TAFA1: variants seen among roughly 807,000 people sequenced by gnomAD.
The protein encoded by TAFA1 is TAFA chemokine like family member 1.
TAFA1 carries 4 observed loss-of-function variants against 18.5 expected under a neutral mutation model. The observed-to-expected ratio is 0.22, with a 90% CI of 0.11 to 0.49. The LOEUF (loss-of-function observed/expected upper bound fraction) is 0.49, where lower values mean the gene tolerates loss of function less well. TAFA1 is among the 20% of genes least tolerant of loss of function. The pLI is 0.98. For synonymous variants in TAFA1, 56 were observed against 55.2 expected, an observed-to-expected ratio of 1.01 and a Z score of -0.06; for missense variants, 147 against 169.0, an observed-to-expected ratio of 0.87 and a Z score of 0.72.
chr3:68,374,546 T>G (rs914262996), intron 2 of TAFA1, among the ~76,000 whole-genome samples: 2 of 152,192 alleles, frequency 1.3e-5, no homozygotes, highest in Non-Finnish European at 2.9e-5. Context: ...AGATTAATAT[T>G]TTAGGACAAT....
chr3:68,286,218 T>C (rs1015636572), intron 2 of TAFA1, among the ~76,000 whole-genome samples: 3 of 151,880 alleles, frequency 2.0e-5, no homozygotes, highest in Admixed American at 6.6e-5. Flanking sequence ...TAAAAAATAA[T>C]AATAATAATC....
intron 2 of TAFA1, among the ~76,000 whole-genome samples, chr3:68,286,566 G>A (rs2068012593): frequency 6.6e-6 from 1 of 152,130 alleles, no homozygotes; most frequent in African/African-American, 2.4e-5. Context: ...GGATTAATAA[G>A]GAAGAATTGA....
intron 2 of TAFA1, among the ~76,000 whole-genome samples, chr3:68,272,237 G>A (rs2067689815): frequency 6.6e-6 from 1 of 152,172 alleles, no homozygotes; most frequent in Non-Finnish European, 1.5e-5. Context: ...CTTCATTTAG[G>A]GAGGCAGCGT....
intron 3 of TAFA1, among the ~76,000 whole-genome samples, chr3:68,496,274 C>T (rs923002138): frequency 6.6e-6 from 1 of 152,168 alleles, no homozygotes; most frequent in Non-Finnish European, 1.5e-5. Flanking sequence ...GAGTAGTTGA[C>T]TGTAATTCCT....
At chr3:68,129,099 T>C (rs2065507549) in intron 2 of TAFA1, among the ~76,000 whole-genome samples, 1 of 152,196 alleles carries the variant, frequency 6.6e-6, no homozygotes, top group Admixed American at 6.5e-5. Context: ...CATTTAATAC[T>C]CATGACAAAT....
chr3:68,468,825 A>G (rs2071938160), intron 3 of TAFA1, among the ~76,000 whole-genome samples: 1 of 152,178 alleles, frequency 6.6e-6, no homozygotes, highest in Non-Finnish European at 1.5e-5. Flanking sequence ...GCACTTTTCT[A>G]TTATCTGCAA....
At chr3:68,168,437 AAAGC>A (rs1290042639) in intron 2 of TAFA1, among the ~76,000 whole-genome samples, 4 of 152,234 alleles carry the variant, frequency 2.6e-5, no homozygotes, top group Non-Finnish European at 5.9e-5. Flanking sequence ...GCCAGCTTTT[AAAGC>A]AAGTGTTAAT....
At chr3:68,347,838 A>G (rs1175500765) in intron 2 of TAFA1, among the ~76,000 whole-genome samples, 1 of 152,142 alleles carries the variant, frequency 6.6e-6, no homozygotes, top group Non-Finnish European at 1.5e-5. Flanking sequence ...CTTCTCTGCA[A>G]CTTGTTCAGG....
chr3:68,228,329 T>C (rs968339960), intron 2 of TAFA1, among the ~76,000 whole-genome samples: 1 of 152,136 alleles, frequency 6.6e-6, no homozygotes, highest in Non-Finnish European at 1.5e-5. Flanking sequence ...TTAAAGCCCA[T>C]TGCAGCCTTG....
intron 2 of TAFA1, among the ~76,000 whole-genome samples, chr3:68,050,298 G>C (rs1215559661): frequency 6.6e-6 from 1 of 152,110 alleles, no homozygotes; most frequent in Admixed American, 6.6e-5. Flanking sequence ...CCTGAGCAAT[G>C]TATCACCCTC....
intron 2 of TAFA1, among the ~76,000 whole-genome samples, chr3:68,371,861 C>A (rs1350049799): frequency 1.3e-5 from 2 of 152,186 alleles, no homozygotes; most frequent in Non-Finnish European, 2.9e-5. Flanking sequence ...GGGAATGGTG[C>A]TACTGGTCAG....
intron 2 of TAFA1, among the ~76,000 whole-genome samples, chr3:68,266,176 A>G (rs1298694332): frequency 2.0e-5 from 3 of 152,172 alleles, no homozygotes; most frequent in Non-Finnish European, 1.5e-5. Context: ...GTGGAATGTC[A>G]TCTTTCTCAT....
At chr3:68,535,237 T>A (rs1202363728) in intron 3 of TAFA1, among the ~76,000 whole-genome samples, 1 of 152,156 alleles carries the variant, frequency 6.6e-6, no homozygotes, top group African/African-American at 2.4e-5. Context: ...ATATTTTTGT[T>A]CCCTTTCAAT....
At chr3:68,269,216 G>A (rs1434742814) in intron 2 of TAFA1, among the ~76,000 whole-genome samples, 1 of 152,168 alleles carries the variant, frequency 6.6e-6, no homozygotes, top group Non-Finnish European at 1.5e-5. Context: ...TGCTTTGGGA[G>A]GCCATGGCAG....
intron 2 of TAFA1, among the ~76,000 whole-genome samples, chr3:68,169,922 T>G (rs2066031498): frequency 6.6e-6 from 1 of 152,192 alleles, no homozygotes; most frequent in African/African-American, 2.4e-5. Context: ...ATTGGCAGTT[T>G]AGAAAGACCT....
chr3:68,390,219 A>G (rs777902194), intron 2 of TAFA1, among the ~76,000 whole-genome samples: 14 of 152,168 alleles, frequency 9.2e-5, no homozygotes, highest in Non-Finnish European at 1.8e-4. Context: ...TTCCCCTCAC[A>G]GTGTAAACAA....
intron 2 of TAFA1, among the ~76,000 whole-genome samples, chr3:68,030,240 T>C (rs936917298): frequency 1.3e-5 from 2 of 152,152 alleles, no homozygotes; most frequent in African/African-American, 4.8e-5. Context: ...TAAAAATTTT[T>C]CTTTTCACCA....
intron 3 of TAFA1, among the ~76,000 whole-genome samples, chr3:68,461,295 A>AAACAAACAAACAAACAAACAAACC (rs2071773178): frequency 6.7e-6 from 1 of 149,552 alleles, no homozygotes; most frequent in Middle Eastern, 3.2e-3. Flanking sequence ...ACAAACAAAC[A>AAACAAACAAACAAACAAACAAACC]AACAAACAAA....
At chr3:67,996,522 C>T in the TAFA1 span, among the ~76,000 whole-genome samples, 1 of 151,924 alleles carries the variant, frequency 6.6e-6, no homozygotes, top group Non-Finnish European at 1.5e-5. Context: ...AATATGGCTG[C>T]GTGTGGTGAG....
Sources: allele counts gnomAD v4.1 joint callset (sites outside exome capture counted in the v4.1 genomes callset), GRCh38; gene constraint gnomAD v4.1.1; transcripts MANE v1.5; gene names NCBI Gene and HGNC (gene_info 2026-07-23, HGNC 2026-07-21).